The following LRRTM3 variants were observed in gnomAD, a reference collection of about 807,000 sequenced individuals.
The protein encoded by LRRTM3 is leucine rich repeat transmembrane neuronal 3.
In LRRTM3, 24 loss-of-function variants were observed where a neutral mutation model predicts 44.7. The observed-to-expected ratio is 0.54, with a 90% confidence interval of 0.39 to 0.76. The LOEUF (loss-of-function observed/expected upper bound fraction) is 0.76, where lower values mean the gene tolerates loss of function less well. Ranked by LOEUF, LRRTM3 falls within the 30% of genes least tolerant of loss-of-function variation. The probability of loss-of-function intolerance (pLI) is 0.00; values close to 1 mark genes in which losing one functional copy is unlikely to be tolerated. For synonymous variants in LRRTM3, 277 were observed against 278.7 expected, an observed-to-expected ratio of 0.99 and a Z score of 0.06; for missense variants, 587 against 702.2, an observed-to-expected ratio of 0.84 and a Z score of 1.85.
chr10:67,067,680 G>A (rs976080349), intron 2 of LRRTM3, among the ~76,000 whole-genome samples: 1 of 152,144 alleles, frequency 6.6e-6, no homozygotes, highest in Non-Finnish European at 1.5e-5. Context: ...AAGCTCTTAG[G>A]TGATTCAAAA....
intron 2 of LRRTM3, among the ~76,000 whole-genome samples, chr10:67,034,797 A>G (rs1184536094): frequency 6.6e-6 from 1 of 152,092 alleles, no homozygotes; most frequent in Non-Finnish European, 1.5e-5. Flanking sequence ...TTGACCCCCA[A>G]CCTACCATAT....
chr10:66,990,652 A>G (rs1850991995), intron 2 of LRRTM3, among the ~76,000 whole-genome samples: 1 of 152,144 alleles, frequency 6.6e-6, no homozygotes, highest in African/African-American at 2.4e-5. Flanking sequence ...TGTGGACCAG[A>G]TAAGTGTCCT....
intron 2 of LRRTM3, among the ~76,000 whole-genome samples, chr10:66,933,364 A>C (rs1847517197): frequency 6.6e-6 from 1 of 152,216 alleles, no homozygotes; most frequent in African/African-American, 2.4e-5. Context: ...ACAAATAATT[A>C]TCAAACACAT....
At chr10:67,040,230 A>G (rs1364269654) in intron 2 of LRRTM3, among the ~76,000 whole-genome samples, 2 of 152,086 alleles carry the variant, frequency 1.3e-5, no homozygotes, top group African/African-American at 4.8e-5. Flanking sequence ...TGAACTTGAC[A>G]TTTGCTCGGT....
intron 2 of LRRTM3, among the ~76,000 whole-genome samples, chr10:67,095,713 A>G (rs1188261081): frequency 1.3e-5 from 2 of 151,874 alleles, no homozygotes; most frequent in Non-Finnish European, 2.9e-5. Context: ...ATGACGAATA[A>G]GGACAAGTAT....
At chr10:67,017,243 C>T (rs1170551511) in intron 2 of LRRTM3, among the ~76,000 whole-genome samples, 1 of 152,144 alleles carries the variant, frequency 6.6e-6, no homozygotes, top group Non-Finnish European at 1.5e-5. Flanking sequence ...GATCTAAAAA[C>T]ATTACTGAAA....
intron 2 of LRRTM3, among the ~76,000 whole-genome samples, chr10:66,933,546 T>C (rs1202899660): frequency 6.6e-6 from 1 of 152,162 alleles, no homozygotes; most frequent in Non-Finnish European, 1.5e-5. Context: ...CAAAAAGTAA[T>C]TGCATATAAC....
chr10:66,932,521 C>T (rs1422152457), intron 2 of LRRTM3, among the ~76,000 whole-genome samples: 1 of 152,046 alleles, frequency 6.6e-6, no homozygotes, highest in African/African-American at 2.4e-5. Flanking sequence ...AGCTAACCCA[C>T]GGAGTTTTGC....
chr10:66,927,321 A>G lies in LRRTM3; in HGVS notation c.405A>G (p.Leu135=). 2 of 1,614,172 alleles carry G rather than the reference A, an allele frequency of 1.2e-6. No individual in the cohort carries two copies. The highest frequency in any genetic ancestry group is 1.7e-6 in the Non-Finnish European group (2 of 1,180,048). The change falls in exon 2 of 3, where the codon TTA becomes TTG. Residue 135 remains leucine (L), a synonymous_variant. Coordinates refer to ENST00000361320, the MANE Select transcript of LRRTM3 (RefSeq NM_178011.5). This position sits in a 1 kb window ranked among gnomAD's most constrained non-coding sequence, Gnocchi z 4.7. Reference sequence around the variant, plus strand: ...ATACCTTCAGACCTGTGACAAATTTACGGAACTTGGATCTGTCCTATAATC... The same window carrying G: ...ATACCTTCAGACCTGTGACAAATTTGCGGAACTTGGATCTGTCCTATAATC... The part of the protein sequence containing the change: ...LNNTFRPVTN[L]RNLDLSYNQL...
intron 2 of LRRTM3, among the ~76,000 whole-genome samples, chr10:67,002,759 C>T (rs533119534): frequency 6.6e-6 from 1 of 151,972 alleles, no homozygotes; most frequent in South Asian, 2.1e-4. Flanking sequence ...GAGTCACTGG[C>T]CATATTTCAT....
At chr10:67,051,273 A>G (rs947864896) in intron 2 of LRRTM3, among the ~76,000 whole-genome samples, 1 of 152,182 alleles carries the variant, frequency 6.6e-6, no homozygotes, top group Non-Finnish European at 1.5e-5. Flanking sequence ...TTAAAATTTA[A>G]TATGAATTCT....
At chr10:67,084,387 A>T (rs1013201613) in intron 2 of LRRTM3, among the ~76,000 whole-genome samples, 5 of 151,984 alleles carry the variant, frequency 3.3e-5, no homozygotes, top group Admixed American at 3.3e-4. Context: ...ATATTATCTA[A>T]TTGACTATCA....
chr10:67,031,081 T>C (rs889424922), intron 2 of LRRTM3, among the ~76,000 whole-genome samples: 1 of 152,224 alleles, frequency 6.6e-6, no homozygotes, highest in African/African-American at 2.4e-5. Context: ...CCCGTCATAC[T>C]TGACTTCTGT....
chr10:66,994,698 G>C (rs1589565888), intron 2 of LRRTM3, among the ~76,000 whole-genome samples: 1 of 152,124 alleles, frequency 6.6e-6, no homozygotes, highest in Admixed American at 6.5e-5. Flanking sequence ...TTCAAGTTAT[G>C]ATTAAGATAA....
At position 66,963,845 on chromosome 10, in the gene LRRTM3, ATTT is replaced by A. The variant is rs56659477; in HGVS notation, c.1536+35407_1536+35409del. On this transcript the variant is annotated intron_variant, in intron 2 of 2. Transcript: ENST00000361320. ...TTGTTTTATCAGTGCATAGACATCA[ATTT>A]TTTTTTTTTTTTTAAGATGGAGTCT... Among the ~76,000 whole-genome samples the A allele has an allele frequency of 1.7e-3, 243 of 143,990 alleles. 9 individuals are homozygous for A. The East Asian group carries it at 0.039, about 23-fold the overall frequency. The allele number at this position is 143,990 out of a possible 152,430, so 94.5% of individuals were successfully genotyped here.
chr10:66,950,858 G>A (rs1029192841), intron 2 of LRRTM3, among the ~76,000 whole-genome samples: 25 of 152,098 alleles, frequency 1.6e-4, no homozygotes, highest in African/African-American at 5.3e-4. Context: ...AGGGAGTTTG[G>A]TCTTAACCCA....
intron 2 of LRRTM3, among the ~76,000 whole-genome samples, chr10:67,038,648 T>C (rs1045696493): frequency 9.2e-5 from 14 of 152,090 alleles, no homozygotes; most frequent in African/African-American, 3.4e-4. Context: ...ACCAAGTACT[T>C]GTCAACCAAG....
rs146925085 is a variant in LRRTM3 at position 67,020,845 on chromosome 10, T to A, written c.1537-76742T>A. On this transcript the variant is annotated intron_variant, in intron 2 of 2. Coordinates refer to ENST00000361320, the MANE Select transcript of LRRTM3 (RefSeq NM_178011.5). ...AGGGTTGGAACAGAGGGGCTTCAGA[T>A]GAAGAGATGAGAGTGACTAATGCAT... 1.4e-3 allele frequency among the ~76,000 whole-genome samples: 207 copies of A among 152,228 alleles called. 1 individual carries two copies. The Middle Eastern group carries it at 0.031, about 23-fold the overall frequency.
intron 2 of LRRTM3, among the ~76,000 whole-genome samples, chr10:67,000,720 T>C (rs112729832): frequency 9.2e-5 from 14 of 152,268 alleles, no homozygotes; most frequent in African/African-American, 3.4e-4. Flanking sequence ...TAAAGTCAAT[T>C]AGTATAAATA....
Sources: allele counts gnomAD v4.1 joint callset (sites outside exome capture counted in the v4.1 genomes callset), GRCh38; gene constraint gnomAD v4.1.1; non-coding constraint Gnocchi (gnomAD v3.1); transcripts MANE v1.5; gene names NCBI Gene and HGNC (gene_info 2026-07-23, HGNC 2026-07-21).